TMEM114: variants seen among roughly 807,000 people sequenced by gnomAD.
The protein encoded by TMEM114 is transmembrane protein 114.
Under a neutral mutation model 6.2 loss-of-function variants are expected in TMEM114, and 6 were observed. The ratio of observed to expected loss-of-function variants is 0.97; its 90% CI spans 0.53 to 1.91. The LOEUF is 1.91. Ranked by LOEUF, TMEM114 falls within the 40% of genes most tolerant of loss-of-function variation. The pLI is 0.01. For missense variants in TMEM114, 218 were observed against 158.3 expected (o/e 1.38, Z -2.02); for synonymous variants, 104 against 73.0 (o/e 1.42, Z -2.16).
chr16:8,576,152 C>G (rs1901919899), intron 2 of TMEM114, among the ~76,000 whole-genome samples: 1 of 152,214 alleles, frequency 6.6e-6, no homozygotes, highest in African/African-American at 2.4e-5. Context: ...CTGTGCCACC[C>G]ACAAAATATC....
At chr16:8,576,710 GGA>G in intron 2 of TMEM114, among the ~76,000 whole-genome samples, 1 of 16,180 alleles carries the variant, frequency 6.2e-5, no homozygotes, top group South Asian at 1.5e-3. Flanking sequence ...AGAGCAGGAA[GGA>G]AGGAAGGAAG....
At chr16:8,558,906 A>AG (rs1332984783) in intron 2 of TMEM114, among the ~76,000 whole-genome samples, 1 of 120,432 alleles carries the variant, frequency 8.3e-6, no homozygotes, top group African/African-American at 3.5e-5. Flanking sequence ...ATGCCCAGCT[A>AG]ATTTTTTTTT....
At chr16:8,541,450 A>ATAG (rs1384761209) in intron 2 of TMEM114, among the ~76,000 whole-genome samples, 3 of 152,198 alleles carry the variant, frequency 2.0e-5, no homozygotes, top group Non-Finnish European at 2.9e-5. Flanking sequence ...GTAAACAGTG[A>ATAG]TATCTACTAA....
In TMEM114 at chr16:8,569,570, G is replaced by A. The variant is rs1474531371; in HGVS notation, c.*203C>T. On this transcript the variant is annotated 3_prime_UTR_variant, in exon 4 of 4. Coordinates refer to ENST00000620492, the MANE Select transcript of TMEM114 (RefSeq NM_001146336.2). ...TCCCTCGGGCTCCTCCAGGCCACAC[G>A]GACACACACGGACATAAGCACACAG... 5.6e-6 allele frequency: 8 copies of A among 1,420,182 alleles called. No individual in the cohort carries two copies. The highest frequency in any genetic ancestry group is 1.6e-5 in the South Asian group (1 of 64,270). The allele number at this position is 1,420,182 out of a possible 1,614,324, so 88.0% of individuals were successfully genotyped here.
At chr16:8,548,138 G>T (rs113218168) in intron 2 of TMEM114, among the ~76,000 whole-genome samples, 1 of 152,130 alleles carries the variant, frequency 6.6e-6, no homozygotes. Flanking sequence ...CTTAGACACC[G>T]TGAGTTTGAA....
At position 8,572,071 on chromosome 16, in the gene TMEM114, C is replaced by T. The variant is rs1901751527; in HGVS notation, c.439+16G>A. 1 of 1,528,922 alleles carries T rather than the reference C, an allele frequency of 6.5e-7. No homozygotes were observed. Among genetic ancestry groups the T allele is most frequent in the Non-Finnish European group, 8.8e-7 (1 of 1,136,108 alleles). The allele number at this position is 1,528,922 out of a possible 1,614,324, so 94.7% of individuals were successfully genotyped here. On this transcript the variant is annotated intron_variant, in intron 3 of 3. Transcript: ENST00000620492. ...CCAGACCACAAGCCAGAGCCCTAGG[C>T]AGGGTGGGCACCTACCTCCAAAGAG...
chr16:8,583,941 C>T (rs980450404), intron 2 of TMEM114, among the ~76,000 whole-genome samples: 2 of 152,168 alleles, frequency 1.3e-5, no homozygotes, highest in Admixed American at 6.5e-5. Context: ...TACAAGTGGG[C>T]ACATGACTCA....
At chr16:8,528,588 T>C in the TMEM114 span, among the ~76,000 whole-genome samples, 2 of 151,844 alleles carry the variant, frequency 1.3e-5, no homozygotes, top group Non-Finnish European at 2.9e-5. Context: ...AGTGAATGAC[T>C]CTCTCTCTCT....
intron 2 of TMEM114, among the ~76,000 whole-genome samples, chr16:8,587,365 G>C (rs1218358671): frequency 3.9e-5 from 6 of 152,244 alleles, no homozygotes; most frequent in Non-Finnish European, 8.8e-5. Flanking sequence ...GCAGTGGCAA[G>C]ATAGACATGG....
chr16:8,568,501 G>A (rs1901618875), downstream of TMEM114, among the ~76,000 whole-genome samples: 1 of 152,228 alleles, frequency 6.6e-6, no homozygotes, highest in Non-Finnish European at 1.5e-5. Flanking sequence ...GACTGGCATG[G>A]AGAATAGCAC....
chr16:8,544,920 T>TTCTCTCCC (rs1900616362), intron 2 of TMEM114, among the ~76,000 whole-genome samples: 1 of 147,858 alleles, frequency 6.8e-6, no homozygotes, highest in Admixed American at 6.8e-5. Flanking sequence ...CTCAACATCT[T>TTCTCTCCC]TCTCTCTCTC....
At chr16:8,562,114 A>G (rs1273962103) in intron 2 of TMEM114, among the ~76,000 whole-genome samples, 8 of 120,188 alleles carry the variant, frequency 6.7e-5, no homozygotes, top group South Asian at 2.8e-4. Flanking sequence ...GTGAGCGAAT[A>G]AGTAAGTGAA....
intron 2 of TMEM114, among the ~76,000 whole-genome samples, chr16:8,546,133 CA>C (rs1474965753): frequency 3.3e-5 from 5 of 151,996 alleles, no homozygotes; most frequent in African/African-American, 9.7e-5. Flanking sequence ...AAGAAATGTT[CA>C]AAATGAATAA....
At chr16:8,570,841 G>C (rs968874926) in intron 3 of TMEM114, among the ~76,000 whole-genome samples, 32 of 152,172 alleles carry the variant, frequency 2.1e-4, no homozygotes, top group African/African-American at 7.7e-4. Flanking sequence ...TAATCTAAAT[G>C]AAGTTAACAG....
chr16:8,546,440 C>G (rs182380815), intron 2 of TMEM114, among the ~76,000 whole-genome samples: 2 of 152,108 alleles, frequency 1.3e-5, no homozygotes, highest in African/African-American at 2.4e-5. Flanking sequence ...AAAGATGAAC[C>G]CTGACCCAAA....
At position 8,569,654 on chromosome 16, in the gene TMEM114, G is replaced by A; in HGVS notation, c.*119C>T. ...CCGCGGGGATTTGTGGGGGAAGGAG[G>A]GGGGTGCCTGGCCTCCCCGAGTGGC... On this transcript the variant is annotated 3_prime_UTR_variant, in exon 4 of 4. Transcript: ENST00000620492. 1 of 1,441,368 alleles carries A rather than the reference G, an allele frequency of 6.9e-7. No homozygotes were observed. The highest frequency in any genetic ancestry group is 2.5e-5 in the East Asian group (1 of 40,034). The allele number at this position is 1,441,368 out of a possible 1,614,324, so 89.3% of individuals were successfully genotyped here.
chr16:8,539,164 A>G (rs957731344), intron 2 of TMEM114, among the ~76,000 whole-genome samples: 2 of 152,140 alleles, frequency 1.3e-5, no homozygotes, highest in Non-Finnish European at 2.9e-5. Context: ...GACCCATATG[A>G]ATAACGTCTG....
intron 2 of TMEM114, among the ~76,000 whole-genome samples, chr16:8,547,155 G>T (rs925930815): frequency 6.6e-6 from 1 of 152,128 alleles, no homozygotes; most frequent in Non-Finnish European, 1.5e-5. Context: ...GGGGAAAAGG[G>T]GGGTCGTCAA....
intron 2 of TMEM114, among the ~76,000 whole-genome samples, chr16:8,554,581 C>T (rs991514873): frequency 5.3e-5 from 8 of 152,244 alleles, no homozygotes; most frequent in East Asian, 1.9e-4. Context: ...GCTTCTCTTT[C>T]GCTCCCCACG....
Sources: allele counts gnomAD v4.1 joint callset (sites outside exome capture counted in the v4.1 genomes callset), GRCh38; gene constraint gnomAD v4.1.1; transcripts MANE v1.5; gene names NCBI Gene and HGNC (gene_info 2026-07-23, HGNC 2026-07-21).